NRG3: variants seen among roughly 807,000 people sequenced by gnomAD.
NRG3 encodes the protein pro-neuregulin-3, membrane-bound isoform.
NRG3 carries 31 observed loss-of-function variants against 66.9 expected under a neutral mutation model. The ratio of observed to expected loss-of-function variants is 0.46; its 90% confidence interval spans 0.35 to 0.63. The LOEUF is 0.63. Ranked by LOEUF, NRG3 falls within the 20% of genes least tolerant of loss-of-function variation. The pLI, the probability that NRG3 is intolerant of heterozygous loss-of-function variation, is 0.00. For missense variants in NRG3, 910 were observed against 878.9 expected, an observed-to-expected ratio of 1.04 and a Z score of -0.45; for synonymous variants, 393 against 359.4, an observed-to-expected ratio of 1.09 and a Z score of -1.06.
At chr10:82,011,698 A>G (rs1000360423) in intron 1 of NRG3, among the ~76,000 whole-genome samples, 2 of 152,200 alleles carry the variant, frequency 1.3e-5, no homozygotes, top group Admixed American at 6.5e-5. Flanking sequence ...CATAGAGACT[A>G]CAGTCCCCAT....
intron 1 of NRG3, among the ~76,000 whole-genome samples, chr10:82,309,997 C>A (rs1355091571): frequency 6.6e-6 from 1 of 152,190 alleles, no homozygotes; most frequent in African/African-American, 2.4e-5. Flanking sequence ...CCCAACCACA[C>A]TCCCCTTCCT....
intron 2 of NRG3, among the ~76,000 whole-genome samples, chr10:82,663,517 A>G (rs996627560): frequency 6.6e-6 from 1 of 152,166 alleles, no homozygotes; most frequent in Non-Finnish European, 1.5e-5. Context: ...CAAAGGAGGA[A>G]GGAGAATTCT....
chr10:81,913,139 T>G (rs1845333163), intron 1 of NRG3, among the ~76,000 whole-genome samples: 2 of 151,316 alleles, frequency 1.3e-5, no homozygotes, highest in South Asian at 4.2e-4. Context: ...CCACTTTTAA[T>G]CAGTTTTATG....
chr10:82,524,570 A>G (rs953439494), intron 2 of NRG3, among the ~76,000 whole-genome samples: 3 of 151,872 alleles, frequency 2.0e-5, no homozygotes, highest in South Asian at 2.1e-4. Flanking sequence ...TTTATTTACC[A>G]TAATTCTCTG....
chr10:82,816,357 G>T (rs2061703591), intron 3 of NRG3, among the ~76,000 whole-genome samples: 1 of 152,222 alleles, frequency 6.6e-6, no homozygotes, highest in African/African-American at 2.4e-5. Flanking sequence ...CCCGAAGTGG[G>T]TAGCTCCTTT....
intron 1 of NRG3, among the ~76,000 whole-genome samples, chr10:82,211,983 C>G (rs538267861): frequency 3.9e-5 from 6 of 152,230 alleles, no homozygotes; most frequent in African/African-American, 1.2e-4. Flanking sequence ...GTGCTGTGCT[C>G]TCAGTATGGA....
chr10:82,183,572 A>G (rs927305485), intron 1 of NRG3, among the ~76,000 whole-genome samples: 1 of 152,066 alleles, frequency 6.6e-6, no homozygotes, highest in Non-Finnish European at 1.5e-5. Flanking sequence ...TAACAAATAT[A>G]CCCAAGAATA....
At chr10:82,426,457 A>C (rs2089444134) in intron 2 of NRG3, among the ~76,000 whole-genome samples, 3 of 149,268 alleles carry the variant, frequency 2.0e-5, no homozygotes, top group Admixed American at 6.7e-5. Context: ...CTGTGACCTA[A>C]ATTCTCTGAT....
intron 2 of NRG3, among the ~76,000 whole-genome samples, chr10:82,653,797 T>C (rs1388554552): frequency 6.6e-6 from 1 of 152,094 alleles, no homozygotes; most frequent in Non-Finnish European, 1.5e-5. Flanking sequence ...AGCTGTGCCA[T>C]AAGAGCGAGG....
intron 4 of NRG3, among the ~76,000 whole-genome samples, chr10:82,921,912 C>A (rs1846454986): frequency 6.6e-6 from 1 of 152,068 alleles, no homozygotes; most frequent in Admixed American, 6.6e-5. Flanking sequence ...ATCAAATGAT[C>A]TGGAAAGTAG....
chr10:82,010,705 G>A (rs931527108), intron 1 of NRG3, among the ~76,000 whole-genome samples: 5 of 152,128 alleles, frequency 3.3e-5, no homozygotes, highest in Admixed American at 6.6e-5. Flanking sequence ...TAATTGGAGC[G>A]GGTGTTTTGA....
At chr10:82,575,824 C>A (rs904629137) in intron 2 of NRG3, among the ~76,000 whole-genome samples, 1 of 151,704 alleles carries the variant, frequency 6.6e-6, no homozygotes, top group Non-Finnish European at 1.5e-5. Context: ...AGTATTTCTC[C>A]TTTCCCATTA....
At chr10:82,946,058 T>G (rs1848988656) in intron 4 of NRG3, among the ~76,000 whole-genome samples, 1 of 151,834 alleles carries the variant, frequency 6.6e-6, no homozygotes, top group African/African-American at 2.4e-5. Context: ...GTGTCAATGA[T>G]GTGGGAATTG....
chr10:82,498,464 T>G (rs1386034127), intron 2 of NRG3, among the ~76,000 whole-genome samples: 4 of 152,156 alleles, frequency 2.6e-5, no homozygotes, highest in Non-Finnish European at 5.9e-5. Context: ...CATCACTGCT[T>G]GTCTTCATCA....
chr10:82,490,077 T>C (rs1181159982), intron 2 of NRG3, among the ~76,000 whole-genome samples: 3 of 152,230 alleles, frequency 2.0e-5, no homozygotes, highest in African/African-American at 4.8e-5. Flanking sequence ...TTCAAAATTA[T>C]TTCAATTAGA....
chr10:82,812,316 G>A (rs1256033290), intron 3 of NRG3, among the ~76,000 whole-genome samples: 2 of 152,140 alleles, frequency 1.3e-5, no homozygotes, highest in Non-Finnish European at 2.9e-5. Context: ...CAAATTTAAA[G>A]ATATGTGGTT....
At chr10:82,408,073 G>GAA (rs2087696062) in intron 2 of NRG3, among the ~76,000 whole-genome samples, 2 of 123,696 alleles carry the variant, frequency 1.6e-5, no homozygotes, top group African/African-American at 7.3e-5. Flanking sequence ...GAGAGAGAGA[G>GAA]AGAGAGAGAG....
chr10:82,666,161 G>A (rs2052764109), intron 2 of NRG3, among the ~76,000 whole-genome samples: 2 of 152,138 alleles, frequency 1.3e-5, no homozygotes, highest in African/African-American at 2.4e-5. Context: ...TGCAAGCTGA[G>A]CCTTTTCTTC....
intron 3 of NRG3, among the ~76,000 whole-genome samples, chr10:82,762,760 C>T (rs1232494809): frequency 6.6e-6 from 1 of 152,190 alleles, no homozygotes; most frequent in African/African-American, 2.4e-5. Context: ...CTGTACCAAG[C>T]TTTCCATGTC....
Sources: allele counts gnomAD v4.1 joint callset (sites outside exome capture counted in the v4.1 genomes callset), GRCh38; gene constraint gnomAD v4.1.1; transcripts MANE v1.5; gene names NCBI Gene and HGNC (gene_info 2026-07-23, HGNC 2026-07-21).